The following LPP variants were observed in gnomAD, a reference collection of about 807,000 sequenced individuals.
LPP encodes LIM domain containing preferred translocation partner in lipoma, also known as lipoma-preferred partner.
A neutral mutation model predicts 60.4 loss-of-function variants in LPP; 38 were observed. That is an observed-to-expected ratio of 0.63 (90% CI 0.49 to 0.83). The LOEUF (loss-of-function observed/expected upper bound fraction) is 0.83. Ranked by LOEUF, LPP falls within the 40% of genes least tolerant of loss-of-function variation. The pLI, the probability that LPP is intolerant of heterozygous loss-of-function variation, is 0.00. For synonymous variants in LPP, 328 were observed against 290.8 expected (o/e 1.13, Z -1.30); for missense variants, 902 against 783.6 (o/e 1.15, Z -1.80).
chr3:188,831,877 C>T (rs888065864), intron 9 of LPP, among the ~76,000 whole-genome samples: 2 of 152,176 alleles, frequency 1.3e-5, no homozygotes, highest in Admixed American at 1.3e-4. Flanking sequence ...TATACCACCT[C>T]CTTCCCTCAG....
chr3:188,296,015 C>T (rs540175345), intron 2 of LPP, among the ~76,000 whole-genome samples: 6 of 152,290 alleles, frequency 3.9e-5, no homozygotes, highest in Admixed American at 3.3e-4. Context: ...CAAGGTGTGC[C>T]TGGAATGATG....
intron 6 of LPP, among the ~76,000 whole-genome samples, chr3:188,547,398 C>T (rs1023596800): frequency 1.3e-5 from 2 of 152,156 alleles, no homozygotes; most frequent in Admixed American, 1.3e-4. Flanking sequence ...ACTGTCAGGG[C>T]TAGAAAGTCC....
intron 2 of LPP, among the ~76,000 whole-genome samples, chr3:188,245,082 G>A (rs1726398479): frequency 6.6e-6 from 1 of 151,966 alleles, no homozygotes; most frequent in African/African-American, 2.4e-5. Context: ...TAAATTGTTA[G>A]CATAATTCTG....
chr3:188,165,388 A>G (rs1307563020), intron 1 of LPP, among the ~76,000 whole-genome samples: 1 of 152,112 alleles, frequency 6.6e-6, no homozygotes, highest in Non-Finnish European at 1.5e-5. Context: ...GTAAGTGGGA[A>G]TTTGTTTGGT....
intron 7 of LPP, among the ~76,000 whole-genome samples, chr3:188,627,910 C>T (rs1004953441): frequency 2.0e-5 from 3 of 152,106 alleles, no homozygotes; most frequent in African/African-American, 7.2e-5. Flanking sequence ...ATCATACCAA[C>T]CACATTCTCA....
In LPP at chr3:188,609,344, C is replaced by G. The variant is rs963485318; in HGVS notation, c.613C>G (p.Pro205Ala). 2 of 1,614,130 alleles carry G rather than the reference C, an allele frequency of 1.2e-6. No homozygotes were observed. The highest frequency in any genetic ancestry group is 1.7e-6 in the Non-Finnish European group (2 of 1,180,032). Residue 205 changes from proline to alanine, a missense_variant, in exon 7 of 12, where the codon CCA becomes GCA. Transcript: ENST00000617246. This position sits in a 1 kb window ranked among gnomAD's most constrained non-coding sequence, Gnocchi z 6.9. ...CGGAACACTCAAACCCCAGCCTCAG[C>G]CAGTCCCAGCCTCCTACACCACGGC... ...PIGTLKPQPQ[P>A]VPASYTTAST...
At chr3:188,549,851 C>T (rs1408495945) in intron 6 of LPP, among the ~76,000 whole-genome samples, 1 of 152,174 alleles carries the variant, frequency 6.6e-6, no homozygotes, top group Non-Finnish European at 1.5e-5. Flanking sequence ...TTTGCAGCCT[C>T]GCACATCAAT....
At chr3:188,332,908 C>A (rs1760522271) in intron 2 of LPP, among the ~76,000 whole-genome samples, 1 of 136,858 alleles carries the variant, frequency 7.3e-6, no homozygotes. Context: ...TCACCTTCAC[C>A]CCCACCCTCC....
At chr3:188,747,673 G>T (rs984262565) in intron 8 of LPP, among the ~76,000 whole-genome samples, 5 of 152,168 alleles carry the variant, frequency 3.3e-5, no homozygotes, top group African/African-American at 1.2e-4. Flanking sequence ...TTACCTAAAA[G>T]TAATACACTA....
chr3:188,794,134 A>G (rs1744638970), intron 9 of LPP, among the ~76,000 whole-genome samples: 1 of 152,194 alleles, frequency 6.6e-6, no homozygotes, highest in South Asian at 2.1e-4. Flanking sequence ...TTGACAGTTG[A>G]TAGTTACATA....
chr3:188,376,974 T>C (rs1204554886), intron 3 of LPP, among the ~76,000 whole-genome samples: 6 of 152,202 alleles, frequency 3.9e-5, no homozygotes, highest in Middle Eastern at 3.2e-3. Context: ...AAGCTTAGTT[T>C]GGCTGGATAT....
intron 1 of LPP, among the ~76,000 whole-genome samples, chr3:188,186,329 A>C (rs1726587994): frequency 6.6e-6 from 1 of 152,160 alleles, no homozygotes; most frequent in South Asian, 2.1e-4. Flanking sequence ...AAGAGACTTG[A>C]AGGGCACAGA....
In LPP at chr3:188,695,092, G is replaced by T. The variant is rs1189156309; in HGVS notation, c.1114-13175G>T. 2.0e-5 allele frequency among the ~76,000 whole-genome samples: 3 copies of T among 152,244 alleles called. No homozygotes were observed. In the East Asian group the frequency reaches 5.8e-4, roughly 29 times the overall value. On this transcript the variant is annotated intron_variant, in intron 7 of 11. Coordinates refer to ENST00000617246, the MANE Select transcript of LPP (RefSeq NM_001375462.1). ...CTTTCTCATTTGTAAATTCAGAATA[G>T]AAGCCACCTAATATGGTTGCACTGG...
At chr3:188,681,913 A>G (rs756253570) in intron 7 of LPP, among the ~76,000 whole-genome samples, 16 of 152,206 alleles carry the variant, frequency 1.1e-4, no homozygotes, top group Non-Finnish European at 2.2e-4. Context: ...TCCAAATTCT[A>G]TGAGTACAGG....
chr3:188,788,115 A>T (rs1742522979), intron 9 of LPP, among the ~76,000 whole-genome samples: 1 of 152,100 alleles, frequency 6.6e-6, no homozygotes. Flanking sequence ...CTTATTAACC[A>T]ATTTCTGACA....
chr3:188,217,725 A>C lies in LPP; in HGVS notation c.-189-7680A>C, dbSNP rs1714188264. On this transcript the variant is annotated intron_variant, in intron 1 of 11. Transcript: ENST00000617246. This position sits in a 1 kb window ranked among gnomAD's most constrained non-coding sequence, Gnocchi z 4.0. ...TCTGGGATACTCAGAGGGAAATGAA[A>C]ATAGGTGCCCTAGGGGGTTGCCCAG... is the stretch of plus-strand genomic sequence containing the variant. Among the ~76,000 whole-genome samples, 1 of 152,108 alleles carries C rather than the reference A, an allele frequency of 6.6e-6. No homozygotes were observed.
intron 7 of LPP, among the ~76,000 whole-genome samples, chr3:188,618,212 G>T (rs1580435759): frequency 6.6e-6 from 1 of 152,120 alleles, no homozygotes; most frequent in South Asian, 2.1e-4. Flanking sequence ...ACTTTTAGAA[G>T]TACTCTTAAC....
intron 7 of LPP, among the ~76,000 whole-genome samples, chr3:188,627,401 A>G (rs1204977426): frequency 6.6e-6 from 1 of 152,200 alleles, no homozygotes; most frequent in Non-Finnish European, 1.5e-5. Context: ...CCAGAGTCCC[A>G]TCTCACATGC....
chr3:188,254,247 G>A (rs1730902053), intron 2 of LPP, among the ~76,000 whole-genome samples: 1 of 152,150 alleles, frequency 6.6e-6, no homozygotes, highest in African/African-American at 2.4e-5. Context: ...ATATGGGCAG[G>A]AAAAACTCAG....
Sources: allele counts gnomAD v4.1 joint callset (sites outside exome capture counted in the v4.1 genomes callset), GRCh38; gene constraint gnomAD v4.1.1; non-coding constraint Gnocchi (gnomAD v3.1); transcripts MANE v1.5; gene names NCBI Gene and HGNC (gene_info 2026-07-23, HGNC 2026-07-21).